The following PCDHGB4 variants were observed in gnomAD, a reference collection of about 807,000 sequenced individuals.
The protein encoded by PCDHGB4 is protocadherin gamma-B4.
In PCDHGB4, 38 loss-of-function variants were observed where a neutral mutation model predicts 60.5. The observed-to-expected ratio is 0.63, with a 90% CI of 0.48 to 0.82. The LOEUF is 0.82. PCDHGB4 is among the 40% of genes least tolerant of loss of function. The pLI is 0.00. For missense variants in PCDHGB4, 1,109 were observed against 1,209.6 expected, an observed-to-expected ratio of 0.92 and a Z score of 1.23; for synonymous variants, 456 against 509.7, an observed-to-expected ratio of 0.89 and a Z score of 1.42.
At chr5:141,446,461 A>G (rs1273508266) in intron 1 of PCDHGB4, among the ~76,000 whole-genome samples, 1 of 151,298 alleles carries the variant, frequency 6.6e-6, no homozygotes, top group Non-Finnish European at 1.5e-5. Flanking sequence ...TCAGTGTGTG[A>G]TTAGACATAT....
chr5:141,500,520 T>A (rs2099801106), intron 2 of PCDHGB4, among the ~76,000 whole-genome samples: 1 of 152,194 alleles, frequency 6.6e-6, no homozygotes, highest in South Asian at 2.1e-4. Context: ...AGCTTCATTT[T>A]AAAAAAATCT....
rs1057108915 is a variant in PCDHGB4 at position 141,511,366 on chromosome 5, T to C, written c.*193T>C. The C allele has an allele frequency of 3.8e-6, 5 of 1,306,414 alleles. No individual in the cohort carries two copies. In the Admixed American group the frequency reaches 8.4e-5, roughly 22 times the overall value. The allele number at this position is 1,306,414 out of a possible 1,614,324, so 80.9% of individuals were successfully genotyped here. A position where few individuals can be genotyped will look rare whatever the true frequency, so the allele number is the denominator to read the frequency against. On this transcript the variant is annotated 3_prime_UTR_variant, in exon 4 of 4. Transcript: ENST00000519479. ...CCCTTCCCCCCCAGGGGGTTGAATA[T>C]GCAAAAGCAGTTCCGCTGGGAACCC...
rs2099884522 is a variant in PCDHGB4, at chr5:141,512,941, T to C, written c.*1768T>C. On this transcript the variant is annotated 3_prime_UTR_variant, in exon 4 of 4. Transcript: ENST00000519479. ...CTAATATTTATATGGCTTTTTTTCT[T>C]CGACAAAAAAATAATAAAACGTTTC... The C allele has an allele frequency of 6.6e-6, 1 of 151,892 alleles. No individual in the cohort carries two copies. The highest frequency in any genetic ancestry group is 6.6e-5 in the Admixed American group (1 of 15,236). The allele number at this position is 151,892 out of a possible 1,614,324, so 9.4% of individuals were successfully genotyped here.
chr5:141,444,545 CA>C (rs1264288836), intron 1 of PCDHGB4, among the ~76,000 whole-genome samples: 7 of 152,042 alleles, frequency 4.6e-5, no homozygotes, highest in Admixed American at 6.6e-5. Flanking sequence ...GTCTAGTGAG[CA>C]AAAGGCACTT....
At chr5:141,395,424 T>C in intron 1 of PCDHGB4, 2 of 735,384 alleles carry the variant, frequency 2.7e-6, no homozygotes, top group Middle Eastern at 7.8e-4. Flanking sequence ...TTTCATTTGC[T>C]TTTAAACGAC....
chr5:141,443,650 CA>C (rs2098397782), intron 1 of PCDHGB4, among the ~76,000 whole-genome samples: 1 of 152,150 alleles, frequency 6.6e-6, no homozygotes. Flanking sequence ...ATAATGTTAG[CA>C]TAGCATTTTA....
chr5:141,490,149 T>C lies in PCDHGB4; in HGVS notation c.2398-4658T>C. The C allele has an allele frequency of 1.9e-6, 3 of 1,614,188 alleles. No individual in the cohort carries two copies. The highest frequency in any genetic ancestry group is 2.7e-5 in the African/African-American group (2 of 75,050). On this transcript the variant is annotated intron_variant, in intron 1 of 3. Coordinates refer to ENST00000519479, the MANE Select transcript of PCDHGB4 (RefSeq NM_003736.4). This position sits in a 1 kb window ranked among gnomAD's most constrained non-coding sequence, Gnocchi z 5.4. ...TAGACCCTAGCAGTGGGGCAATCCA[T>C]GTGTTGGGTCCCATAGACTTTGAGG... is the stretch of plus-strand genomic sequence containing the variant.
chr5:141,460,377 T>C (rs1592666836), intron 1 of PCDHGB4, among the ~76,000 whole-genome samples: 1 of 152,342 alleles, frequency 6.6e-6, no homozygotes, highest in Non-Finnish European at 1.5e-5. Flanking sequence ...AGTTTTACCA[T>C]TTATAATTTG....
rs951964805 is a variant in PCDHGB4, at chr5:141,512,109, C to A, written c.*936C>A. The A allele has an allele frequency of 1.0e-4, 16 of 152,656 alleles. No individual in the cohort carries two copies. The highest frequency in any genetic ancestry group is 1.5e-5 in the Non-Finnish European group (1 of 68,058). 9.5% of individuals were successfully genotyped at this position (152,656 alleles called of 1,614,324 possible). Reference sequence around the variant, plus strand: ...ACCAATAACTAGGCTGGACCCTTCCCACTACATAATAGGGCTCAGCCCAGG... The same window carrying A: ...ACCAATAACTAGGCTGGACCCTTCCAACTACATAATAGGGCTCAGCCCAGG... On this transcript the variant is annotated 3_prime_UTR_variant, in exon 4 of 4. Coordinates refer to ENST00000519479, the MANE Select transcript of PCDHGB4 (RefSeq NM_003736.4).
chr5:141,437,444 G>A (rs957088733), intron 1 of PCDHGB4, among the ~76,000 whole-genome samples: 26 of 152,212 alleles, frequency 1.7e-4, no homozygotes, highest in Admixed American at 2.0e-4. Context: ...GCATAGGAAT[G>A]TTGAGGAGAC....
rs766460257 is a variant in PCDHGB4, at chr5:141,398,407, G to A, written c.2397+8126G>A. 4.0e-5 allele frequency: 59 copies of A among 1,474,004 alleles called. No homozygotes were observed. The Middle Eastern group carries it at 1.0e-3, about 26-fold the overall frequency. 91.3% of individuals were successfully genotyped at this position (1,474,004 alleles called of 1,614,324 possible). A position where few individuals can be genotyped will look rare whatever the true frequency, so the allele number is the denominator to read the frequency against. On this transcript the variant is annotated intron_variant, in intron 1 of 3. Transcript: ENST00000519479. ...TGTGAGCAGCAGGCTAGACAGGGAG[G>A]AGATATGCGGGAAGAAGCCAGCTTG...
chr5:141,496,959 G>C (rs1451127360), intron 2 of PCDHGB4, among the ~76,000 whole-genome samples: 2 of 151,894 alleles, frequency 1.3e-5, no homozygotes, highest in Non-Finnish European at 2.9e-5. Flanking sequence ...GCCAAGGTGG[G>C]TAGATCACTT....
chr5:141,475,049 A>G (rs553607902), intron 1 of PCDHGB4, among the ~76,000 whole-genome samples: 81 of 152,346 alleles, frequency 5.3e-4, no homozygotes, highest in African/African-American at 1.8e-3. Context: ...TGTATTTTCT[A>G]AAGATTTGTG....
chr5:141,421,597 AT>A (rs2096587022), intron 1 of PCDHGB4: 1 of 1,613,878 alleles, frequency 6.2e-7, no homozygotes, highest in Non-Finnish European at 8.5e-7. Flanking sequence ...GGAGGTGGAA[AT>A]AATAGATATT....
chr5:141,423,070 C>G, intron 1 of PCDHGB4: 1 of 1,614,132 alleles, frequency 6.2e-7, no homozygotes, highest in Non-Finnish European at 8.5e-7. Flanking sequence ...GGCCAGCGAG[C>G]CGGGACTCTT....
rs2091983675 is a variant in PCDHGB4 at position 141,389,952 on chromosome 5, C to T, written c.2068C>T (p.Leu690=). 5 of 1,613,946 alleles carry T rather than the reference C, an allele frequency of 3.1e-6. No homozygotes were observed. The highest frequency in any genetic ancestry group is 4.2e-6 in the Non-Finnish European group (5 of 1,179,920). Residue 690 remains leucine (L), a synonymous_variant, in exon 1 of 4, where the codon CTA becomes TTA. Coordinates refer to ENST00000519479, the MANE Select transcript of PCDHGB4 (RefSeq NM_003736.4). ...CCTCCAGGCTGAGCTGCAGTTTTACCTAGTGGTGGCCTTGGCCTTGATCTC... is the reference window on the plus strand; with the variant it reads ...CCTCCAGGCTGAGCTGCAGTTTTACTTAGTGGTGGCCTTGGCCTTGATCTC... ...SDLQAELQFY[L]VVALALISVL...
At chr5:141,392,770 T>G in intron 1 of PCDHGB4, 1 of 1,511,750 alleles carries the variant, frequency 6.6e-7, no homozygotes, top group South Asian at 1.3e-5. Flanking sequence ...AAGACCCATT[T>G]ATGCACAGTG....
chr5:141,403,109 G>A (rs754708762), intron 1 of PCDHGB4: 3 of 1,614,074 alleles, frequency 1.9e-6, no homozygotes. Context: ...CAAGGACCTG[G>A]CTCTGGAGCC....
rs752680691 is a variant in PCDHGB4, at chr5:141,433,173, G to A, written c.2397+42892G>A. Reference sequence around the variant, plus strand: ...TCGGTATTTTCTAAAGACAGTCATGGGTTAATTGAGGTGAGTTTATATCAA... The same window carrying A: ...TCGGTATTTTCTAAAGACAGTCATGAGTTAATTGAGGTGAGTTTATATCAA... On this transcript the variant is annotated intron_variant, in intron 1 of 3. Coordinates refer to ENST00000519479, the MANE Select transcript of PCDHGB4 (RefSeq NM_003736.4). 3.1e-6 allele frequency: 5 copies of A among 1,610,344 alleles called. 1 individual carries two copies. In the Middle Eastern group the frequency reaches 5.0e-4, roughly 160 times the overall value.
Sources: allele counts gnomAD v4.1 joint callset (sites outside exome capture counted in the v4.1 genomes callset), GRCh38; gene constraint gnomAD v4.1.1; non-coding constraint Gnocchi (gnomAD v3.1); transcripts MANE v1.5; gene names NCBI Gene and HGNC (gene_info 2026-07-23, HGNC 2026-07-21).